The following SSX1 variants were observed in gnomAD, a reference collection of about 807,000 sequenced individuals.
SSX1 encodes SSX family member 1.
A neutral mutation model predicts 14.6 loss-of-function variants in SSX1; 58 were observed. That is an observed-to-expected ratio of 3.96 (90% CI 3.21 to 4.93). SSX1 has a LOEUF of 4.93. Ranked by LOEUF, SSX1 falls within the 30% of genes most tolerant of loss-of-function variation. The pLI is 0.00. For missense variants in SSX1, 272 were observed against 143.1 expected (o/e 1.90, Z -4.60); for synonymous variants, 46 against 52.1 (o/e 0.88, Z 0.50).
chrX:48,257,645 A>G (rs1260666245), intron 2 of SSX1, 101 bp from the exon 3 acceptor site: 58 of 1,138,430 alleles, frequency 5.1e-5, no homozygotes, highest in Non-Finnish European at 6.5e-5. Flanking sequence ...AGGACGGATT[A>G]TCATCCTCAC....
chrX:48,261,630 A>G, intron 4 of SSX1, 136 bp from the exon 5 acceptor site: 1 of 711,347 alleles, frequency 1.4e-6, no homozygotes, highest in African/African-American at 2.1e-5. Context: ...CATAATTCAG[A>G]AGCAAATCTC....
intron 4 of SSX1, among the ~76,000 whole-genome samples, chrX:48,259,207 G>A (rs1480016301): frequency 3.3e-4 from 37 of 111,026 alleles, no homozygotes; most frequent in African/African-American, 3.6e-4. Context: ...ATGTTGACCA[G>A]GCTGGTCTCA....
intron 1 of SSX1, 38 bp downstream of exon 1, chrX:48,255,470 C>G (rs1202736101): frequency 1.8e-5 from 2 of 110,141 alleles, no homozygotes; most frequent in African/African-American, 6.6e-5. Flanking sequence ...ATGGGCTAAT[C>G]GGGGCAGATA....
At chrX:48,262,652 T>C (rs1221485600) in intron 5 of SSX1, among the ~76,000 whole-genome samples, 3 of 111,533 alleles carry the variant, frequency 2.7e-5, no homozygotes, top group Non-Finnish European at 5.7e-5. Flanking sequence ...GATTCAGCTC[T>C]GGTTTAGAAG....
At chrX:48,261,679 C>T (rs2059604240) in intron 4 of SSX1, 87 bp from the exon 5 acceptor site, 11 of 1,005,152 alleles carry the variant, frequency 1.1e-5, no homozygotes, top group Admixed American at 6.7e-5. Context: ...ATAACCTCTG[C>T]TGCAGAATGC....
intron 5 of SSX1, 135 bp from the exon 6 acceptor site, chrX:48,263,647 A>G (rs2059612629): frequency 2.2e-6 from 2 of 917,314 alleles, no homozygotes; most frequent in East Asian, 6.4e-5. Flanking sequence ...GGTTTGTCTC[A>G]TTTAGGCAAG....
intron 1 of SSX1, among the ~76,000 whole-genome samples, chrX:48,256,221 C>T (rs1334147288): frequency 9.1e-6 from 1 of 110,071 alleles, no homozygotes; most frequent in African/African-American, 3.3e-5. Context: ...CCAGGCTGGC[C>T]TCAACCTCCT....
At chrX:48,262,287 A>T (rs1272460931) in intron 5 of SSX1, among the ~76,000 whole-genome samples, 1 of 112,215 alleles carries the variant, frequency 8.9e-6, no homozygotes, top group Non-Finnish European at 1.9e-5. Context: ...GGGTACAGAG[A>T]TGTTAAAGAA....
chrX:48,256,402 G>A (rs2146607398), intron 1 of SSX1, among the ~76,000 whole-genome samples: 1 of 104,868 alleles, frequency 9.5e-6, no homozygotes, highest in Admixed American at 1.0e-4. Flanking sequence ...TGGCCAAAGA[G>A]CTGAGATGTT....
At position 48,261,747 on chromosome X, in the gene SSX1, C is replaced by G; in HGVS notation, c.281-19C>G. 2 of 1,209,935 alleles carry G rather than the reference C, an allele frequency of 1.7e-6. No homozygotes were observed. Among genetic ancestry groups the G allele is most frequent in the Non-Finnish European group, 2.2e-6 (2 of 894,108 alleles). The stretch of plus-strand genomic sequence containing the variant: ...AAATCTTTACCAACAAAGAAAAATT[C>G]TGATGTGTTCTCTTTCAGTTGAACA... On this transcript the variant is annotated intron_variant, in intron 4 of 7. Coordinates refer to ENST00000376919, the MANE Select transcript of SSX1 (RefSeq NM_005635.4).
At chrX:48,264,517 T>C (rs1258023609) in intron 6 of SSX1, among the ~76,000 whole-genome samples, 1 of 112,615 alleles carries the variant, frequency 8.9e-6, no homozygotes. Context: ...ATGCTAACAA[T>C]CTTCTGAGCC....
At chrX:48,257,413 G>C (rs1556934588) in intron 2 of SSX1, 103 bp downstream of exon 2, 1 of 1,169,352 alleles carries the variant, frequency 8.6e-7, no homozygotes, top group Non-Finnish European at 1.1e-6. Context: ...AAGGAGCAGG[G>C]TCTCGGGGGA....
intron 4 of SSX1, among the ~76,000 whole-genome samples, chrX:48,260,974 A>G (rs2059601954): frequency 9.0e-6 from 1 of 111,530 alleles, no homozygotes; most frequent in African/African-American, 3.3e-5. Flanking sequence ...CCAATTCTCC[A>G]TGATGAGCTT....
intron 6 of SSX1, among the ~76,000 whole-genome samples, chrX:48,264,771 T>C (rs781840214): frequency 3.5e-5 from 4 of 112,937 alleles, no homozygotes; most frequent in Non-Finnish European, 7.5e-5. Flanking sequence ...GTCAATCATC[T>C]CTAGCTATGA....
intron 4 of SSX1, 74 bp downstream of exon 4, chrX:48,258,705 T>C: frequency 3.5e-6 from 3 of 864,099 alleles, no homozygotes; most frequent in Non-Finnish European, 5.0e-6. Flanking sequence ...CTGGGAAAGA[T>C]CCTCTGGCAT....
At position 48,266,095 on chromosome X, in the gene SSX1, A is replaced by T. The variant is rs782453637; in HGVS notation, c.467-192A>T. Among the ~76,000 whole-genome samples the T allele has an allele frequency of 3.9e-3, 438 of 112,311 alleles. 1 individual carries two copies. The highest frequency in any genetic ancestry group is 5.1e-3 in the Non-Finnish European group (269 of 53,267). On this transcript the variant is annotated intron_variant, in intron 6 of 7. Coordinates refer to ENST00000376919, the MANE Select transcript of SSX1 (RefSeq NM_005635.4). ...AACAGAAGGAGCCAGAAGCTAAAAC[A>T]TTAATTGGTATTTGTCGTGTATTGG... is the stretch of plus-strand genomic sequence containing the variant.
At chrX:48,266,799 T>A in intron 7 of SSX1, 55 bp from the exon 8 acceptor site, 3 of 776,273 alleles carry the variant, frequency 3.9e-6, no homozygotes, top group Non-Finnish European at 5.8e-6. Flanking sequence ...GAGGTTGAGT[T>A]ATTGGGCAGT....
chrX:48,257,479 G>A lies in SSX1; in HGVS notation c.69+169G>A, dbSNP rs1175631065. On this transcript the variant is annotated intron_variant, in intron 2 of 7. Coordinates refer to ENST00000376919, the MANE Select transcript of SSX1 (RefSeq NM_005635.4). ...GTTCTGTCATCACCTAGCATCCCTG[G>A]AGACAAGTCTCTGACCTTGCTCTAC... The A allele has an allele frequency of 1.3e-5, 10 of 751,467 alleles. No individual in the cohort carries two copies. The African/African-American group carries it at 2.1e-4, about 16-fold the overall frequency. The allele number at this position is 751,467 out of a possible 1,213,427, so 61.9% of individuals were successfully genotyped here.
intron 1 of SSX1, among the ~76,000 whole-genome samples, chrX:48,256,490 A>G (rs1239217637): frequency 1.4e-4 from 4 of 29,220 alleles, no homozygotes; most frequent in African/African-American, 2.8e-4. Context: ...TGTAGAGATG[A>G]GGGGTTTGCT....
Sources: allele counts gnomAD v4.1 joint callset (sites outside exome capture counted in the v4.1 genomes callset), GRCh38; gene constraint gnomAD v4.1.1; transcripts MANE v1.5; gene names NCBI Gene and HGNC (gene_info 2026-07-23, HGNC 2026-07-21).